MTSS1: variants seen among roughly 807,000 people sequenced by gnomAD.
MTSS1 encodes the protein MTSS I-BAR domain containing 1.
MTSS1 carries 18 observed loss-of-function variants against 79.0 expected under a neutral mutation model. The ratio of observed to expected loss-of-function variants is 0.23; its 90% confidence interval spans 0.16 to 0.34. The LOEUF (loss-of-function observed/expected upper bound fraction) is 0.34. Ranked by LOEUF, MTSS1 falls within the 10% of genes least tolerant of loss-of-function variation. MTSS1 has a pLI of 1.00. For missense variants in MTSS1, 815 were observed against 986.2 expected (o/e 0.83, Z 2.33); for synonymous variants, 341 against 368.6 (o/e 0.93, Z 0.86).
At chr8:124,643,624 G>GGAGGCA (rs927724984) in intron 3 of MTSS1, among the ~76,000 whole-genome samples, 11 of 150,996 alleles carry the variant, frequency 7.3e-5, no homozygotes, top group Non-Finnish European at 1.5e-4. Flanking sequence ...CTTGAACTGG[G>GGAGGCA]GAGGCAGAGG....
At chr8:124,565,433 A>G (rs1233126411) in intron 9 of MTSS1, among the ~76,000 whole-genome samples, 5 of 152,232 alleles carry the variant, frequency 3.3e-5, no homozygotes. Context: ...AGTGAGAGAG[A>G]ATAAGCTACA....
intron 5 of MTSS1, among the ~76,000 whole-genome samples, chr8:124,586,895 G>A (rs1427401346): frequency 6.6e-6 from 1 of 152,182 alleles, no homozygotes; most frequent in Non-Finnish European, 1.5e-5. Flanking sequence ...AGAAAATCAA[G>A]GAACCTGTGT....
intron 5 of MTSS1, among the ~76,000 whole-genome samples, chr8:124,587,222 G>A (rs928581909): frequency 1.3e-5 from 2 of 152,220 alleles, no homozygotes; most frequent in Non-Finnish European, 2.9e-5. Flanking sequence ...TCCCTGGCAT[G>A]CAGCAGATGC....
In MTSS1 at chr8:124,551,127, G is replaced by A. The variant is rs532464916; in HGVS notation, c.*1865C>T. 1 of 152,630 alleles carries A rather than the reference G, an allele frequency of 6.6e-6. No homozygotes were observed. Among genetic ancestry groups the A allele is most frequent in the Admixed American group, 6.5e-5 (1 of 15,300 alleles). The allele number at this position is 152,630 out of a possible 1,614,324, so 9.5% of individuals were successfully genotyped here. A position where few individuals can be genotyped will look rare whatever the true frequency, so the allele number is the denominator to read the frequency against. On this transcript the variant is annotated 3_prime_UTR_variant, in exon 14 of 14. Transcript: ENST00000518547. The stretch of plus-strand genomic sequence containing the variant: ...TAAACAAGTGAAAAGCTGTACCAAG[G>A]TACAGTTACATCCATTTATTTCAAA...
rs115628602 is a variant in MTSS1, at chr8:124,703,866, T to C, written c.134+264A>G. Reference sequence around the variant, plus strand: ...ACATAAATGTTACCCGTTGCTACCTTACATACAGTACCTACCTCATTTGAC... The same window carrying C: ...ACATAAATGTTACCCGTTGCTACCTCACATACAGTACCTACCTCATTTGAC... On this transcript the variant is annotated intron_variant, in intron 2 of 13. Coordinates refer to ENST00000518547, the MANE Select transcript of MTSS1 (RefSeq NM_014751.6). Among the ~76,000 whole-genome samples the C allele has an allele frequency of 4.8e-3, 737 of 152,310 alleles. 8 individuals carry two copies. Among genetic ancestry groups the C allele is most frequent in the African/African-American group, 0.017 (709 of 41,572 alleles).
At chr8:124,585,517 C>T (rs6415485) in intron 5 of MTSS1, among the ~76,000 whole-genome samples, 48,662 of 151,672 alleles carry the variant, frequency 0.32, 9,275 homozygotes, top group Non-Finnish European at 0.44. Context: ...CGAGTTCAAG[C>T]GATTCTCCCA....
At chr8:124,714,950 C>T (rs558359824) in intron 1 of MTSS1, among the ~76,000 whole-genome samples, 1 of 152,306 alleles carries the variant, frequency 6.6e-6, no homozygotes, top group South Asian at 2.1e-4. Context: ...TAACCTTTGT[C>T]CTCCTATCCA....
chr8:124,581,605 G>A (rs1347140746), intron 6 of MTSS1, among the ~76,000 whole-genome samples: 7 of 151,750 alleles, frequency 4.6e-5, no homozygotes, highest in African/African-American at 9.7e-5. Context: ...ACAGGCGCCC[G>A]CCACCACGCC....
chr8:124,725,992 A>C (rs11780771), intron 1 of MTSS1, among the ~76,000 whole-genome samples: 77,028 of 152,086 alleles, frequency 0.51, 20,171 homozygotes, highest in Middle Eastern at 0.6. Context: ...ACCAAAAAAA[A>C]AAAACTTTAA....
chr8:124,669,484 G>T lies in MTSS1; in HGVS notation c.208+30042C>A, dbSNP rs1178538382. Among the ~76,000 whole-genome samples the T allele has an allele frequency of 2.6e-5, 4 of 152,206 alleles. No individual in the cohort carries two copies. In the East Asian group the frequency reaches 7.7e-4, roughly 29 times the overall value. On this transcript the variant is annotated intron_variant, in intron 3 of 13. Coordinates refer to ENST00000518547, the MANE Select transcript of MTSS1 (RefSeq NM_014751.6). ...CCTAAGTAAGAAAACAGTTCCTTTA[G>T]ATGAAGGCCAGATTTCTTGGACTTG... is the stretch of plus-strand genomic sequence containing the variant.
chr8:124,555,962 T>C, intron 12 of MTSS1, 58 bp from the exon 13 acceptor site: 1 of 1,588,116 alleles, frequency 6.3e-7, no homozygotes, highest in Non-Finnish European at 8.5e-7. Flanking sequence ...TCAACAGCAC[T>C]CCTGTTCTGC....
At chr8:124,689,791 T>TAA (rs893328000) in intron 3 of MTSS1, among the ~76,000 whole-genome samples, 2 of 150,780 alleles carry the variant, frequency 1.3e-5, no homozygotes, top group African/African-American at 4.9e-5. Context: ...CTGCATGAAC[T>TAA]AAAATAACTG....
chr8:124,717,701 A>C lies in MTSS1; in HGVS notation c.72+10183T>G, dbSNP rs550615892. Among the ~76,000 whole-genome samples the C allele has an allele frequency of 7.2e-5, 11 of 152,314 alleles. No homozygotes were observed. In the East Asian group the frequency reaches 2.1e-3, roughly 29 times the overall value. ...ACAGAGCAAGACTCCATCTCAAAAAATATATATATAAATAAAAATTAAAAA... is the reference window on the plus strand; with the variant it reads ...ACAGAGCAAGACTCCATCTCAAAAACTATATATATAAATAAAAATTAAAAA... On this transcript the variant is annotated intron_variant, in intron 1 of 13. Transcript: ENST00000518547.
intron 6 of MTSS1, among the ~76,000 whole-genome samples, chr8:124,569,941 A>G (rs970175171): frequency 8.5e-5 from 13 of 152,326 alleles, no homozygotes; most frequent in Non-Finnish European, 2.9e-5. Context: ...AGGGCCCTGC[A>G]GTTTCCATCT....
At chr8:124,583,276 T>C (rs1057210566) in intron 6 of MTSS1, among the ~76,000 whole-genome samples, 1 of 152,176 alleles carries the variant, frequency 6.6e-6, no homozygotes, top group Non-Finnish European at 1.5e-5. Flanking sequence ...ATGCCAATCA[T>C]TCCCAAGTCC....
At chr8:124,578,450 C>A (rs544373453) in intron 6 of MTSS1, among the ~76,000 whole-genome samples, 5 of 152,184 alleles carry the variant, frequency 3.3e-5, no homozygotes, top group African/African-American at 7.2e-5. Context: ...TACCCCCAGG[C>A]TTAGTGAGGC....
intron 1 of MTSS1, among the ~76,000 whole-genome samples, chr8:124,725,514 C>T (rs992750875): frequency 2.6e-5 from 4 of 152,154 alleles, no homozygotes; most frequent in Non-Finnish European, 5.9e-5. Context: ...AAATTTTTAT[C>T]AAGATGGCAT....
At chr8:124,565,600 C>T (rs1278465658) in intron 9 of MTSS1, 62 bp downstream of exon 9, 1 of 1,433,156 alleles carries the variant, frequency 7.0e-7, no homozygotes, top group Non-Finnish European at 9.8e-7. Context: ...CTCCATTGCT[C>T]ACATTAGCAT....
Position 124,585,113 on chromosome 8 carries a change from A to G in MTSS1, c.434T>C (p.Leu145Pro). 1 of 1,613,678 alleles carries G rather than the reference A, an allele frequency of 6.2e-7. No individual in the cohort carries two copies. The highest frequency in any genetic ancestry group is 8.5e-7 in the Non-Finnish European group (1 of 1,179,900). Residue 145 changes from leucine (L) to proline (P), a missense_variant, in exon 6 of 14, where the codon CTG becomes CCG. Leu to Pro is a moderately conservative substitution (Grantham distance 98). This residue lies in a region of MTSS1 where 225 missense variants were observed against 365.4 expected (regional missense o/e 0.62). Transcript: ENST00000518547. The part of the protein sequence containing the change: ...QEIKKKSSDT[L>P]KLQKKAKKGR... The stretch of plus-strand genomic sequence containing the variant: ...TTTTTTTGCTTTCTTCTGCAGTTTC[A>G]GCGTATCCGAGGACTTCTTTTTTAT...
Sources: gnomAD v4.1 joint callset for allele counts (sites outside exome capture counted in the v4.1 genomes callset) on GRCh38, gnomAD v4.1.1 for gene constraint, gnomAD v4.1.1 regional missense constraint, MANE v1.5 for transcripts, NCBI Gene and HGNC (gene_info 2026-07-23, HGNC 2026-07-21) for gene names.